ROPN1B: variants seen among roughly 807,000 people sequenced by gnomAD.
ROPN1B encodes rhophilin associated tail protein 1B, also known as ropporin-1B.
In ROPN1B, 13 loss-of-function variants were observed where a neutral mutation model predicts 23.7. The observed-to-expected ratio is 0.55, with a 90% confidence interval of 0.36 to 0.87. The LOEUF is 0.87. Ranked by LOEUF, ROPN1B falls within the 40% of genes least tolerant of loss-of-function variation. The probability of loss-of-function intolerance (pLI) is 0.01; values close to 1 mark genes in which losing one functional copy is unlikely to be tolerated. For synonymous variants in ROPN1B, 67 were observed against 100.4 expected, an observed-to-expected ratio of 0.67 and a Z score of 1.99; for missense variants, 183 against 249.2, an observed-to-expected ratio of 0.73 and a Z score of 1.79.
chr3:125,975,065 A>T (rs1938354395), intron 3 of ROPN1B, among the ~76,000 whole-genome samples: 1 of 152,046 alleles, frequency 6.6e-6, no homozygotes. Flanking sequence ...CTGCCTCCTC[A>T]AACTCCTGGG....
Position 125,975,680 on chromosome 3 carries a change from G to A in ROPN1B, c.234G>A (p.Gln78=). 6.2e-7 allele frequency: 1 copy of A among 1,611,496 alleles called. No individual in the cohort carries two copies. Among genetic ancestry groups the A allele is most frequent in the Non-Finnish European group, 8.5e-7 (1 of 1,178,526 alleles). The part of the protein sequence containing the change: ...TPELLKILHS[Q]VAGRLIIRAE... Reference sequence around the variant, plus strand: ...AGCTGTTAAAGATCCTGCATTCTCAGGTAAGGGCCCTGCTGCAGCATTGAG... The same window carrying A: ...AGCTGTTAAAGATCCTGCATTCTCAAGTAAGGGCCCTGCTGCAGCATTGAG... The change falls in exon 4 of 7, where the codon CAG becomes CAA. Residue 78 remains glutamine (Q), a splice_region_variant and synonymous_variant. Transcript: ENST00000514116.
chr3:125,978,692 C>A (rs558731755), intron 5 of ROPN1B, among the ~76,000 whole-genome samples: 1 of 152,296 alleles, frequency 6.6e-6, no homozygotes, highest in South Asian at 2.1e-4. Context: ...TGGTGAAAGT[C>A]TGAGGATGCC....
chr3:125,982,453 A>C lies in ROPN1B; in HGVS notation c.572+8A>C. The C allele has an allele frequency of 6.3e-7, 1 of 1,583,832 alleles. No individual in the cohort carries two copies. Among genetic ancestry groups the C allele is most frequent in the South Asian group, 1.2e-5 (1 of 84,740 alleles). ...CTACATTGAACAGGAAGTGTAAGTT[A>C]ACTTTTACCAATTGGAGGTGAAAGA... On this transcript the variant is annotated splice_region_variant and intron_variant, in intron 6 of 6. Coordinates refer to ENST00000514116, the MANE Select transcript of ROPN1B (RefSeq NM_001308313.2).
intron 3 of ROPN1B, chr3:125,972,974 C>A (rs1259462769): frequency 3.1e-5 from 12 of 384,642 alleles, no homozygotes; most frequent in Admixed American, 6.4e-5. Context: ...GCACAGAAAG[C>A]CTCTCAGCTA....
intron 5 of ROPN1B, among the ~76,000 whole-genome samples, chr3:125,981,458 C>T (rs1287720610): frequency 1.3e-5 from 2 of 152,120 alleles, no homozygotes; most frequent in African/African-American, 4.8e-5. Context: ...CAGGATGATC[C>T]GTACATCACC....
At chr3:125,983,117 A>G in intron 6 of ROPN1B, 137 bp from the exon 7 acceptor site, 5 of 665,910 alleles carry the variant, frequency 7.5e-6, no homozygotes, top group Non-Finnish European at 5.3e-6. Context: ...ACAGAGCCAG[A>G]CCCTGTCTCA....
At chr3:125,975,826 T>A in intron 4 of ROPN1B, 146 bp downstream of exon 4, 1 of 672,946 alleles carries the variant, frequency 1.5e-6, no homozygotes, top group East Asian at 2.8e-5. Context: ...TGAAAGTAAA[T>A]CTTCCCTTGG....
chr3:125,982,511 A>G (rs947430691), intron 6 of ROPN1B, 66 bp downstream of exon 6: 7 of 1,367,496 alleles, frequency 5.1e-6, no homozygotes, highest in African/African-American at 4.4e-5. Context: ...GGGCCAAGAC[A>G]GAGTGAGATT....
chr3:125,972,254 G>A, intron 3 of ROPN1B, 84 bp downstream of exon 3: 2 of 1,327,412 alleles, frequency 1.5e-6, no homozygotes, highest in Non-Finnish European at 1.1e-6. Context: ...TGTCATGGCT[G>A]CAGCCAGGGG....
intron 5 of ROPN1B, among the ~76,000 whole-genome samples, chr3:125,980,415 C>A (rs1218180726): frequency 6.6e-6 from 1 of 152,158 alleles, no homozygotes; most frequent in African/African-American, 2.4e-5. Flanking sequence ...TTCTGGAGGA[C>A]AGAAGTTCTG....
At chr3:125,970,568 G>C (rs1420042979) in intron 1 of ROPN1B, among the ~76,000 whole-genome samples, 1 of 152,054 alleles carries the variant, frequency 6.6e-6, no homozygotes, top group Non-Finnish European at 1.5e-5. Flanking sequence ...TGTTTTGTTT[G>C]CTTTTTTGTG....
intron 1 of ROPN1B, chr3:125,969,897 T>C (rs547659327): frequency 2.0e-3 from 306 of 149,546 alleles, no homozygotes; most frequent in African/African-American, 7.4e-3. Context: ...TATTATTTTA[T>C]ACCTAGCACT....
intron 5 of ROPN1B, among the ~76,000 whole-genome samples, chr3:125,980,992 A>G (rs542149933): frequency 8.5e-5 from 13 of 152,264 alleles, no homozygotes; most frequent in South Asian, 2.1e-4. Context: ...ACCCCCAGGG[A>G]CAGAGGAGAG....
chr3:125,971,430 T>C (rs1938200221), intron 2 of ROPN1B, among the ~76,000 whole-genome samples: 1 of 152,268 alleles, frequency 6.6e-6, no homozygotes, highest in Non-Finnish European at 1.5e-5. Context: ...TGGATGTTCA[T>C]GTTTTGTTTC....
chr3:125,971,219 T>C (rs1580338499), intron 2 of ROPN1B, 57 bp downstream of exon 2: 1 of 152,534 alleles, frequency 6.6e-6, no homozygotes, highest in South Asian at 2.1e-4. Flanking sequence ...CCTCACCTCA[T>C]TGGCCACTGG....
rs1336228053 is a variant in ROPN1B at position 125,976,807 on chromosome 3, T to G, written c.235-197T>G. On this transcript the variant is annotated intron_variant, in intron 4 of 6. Transcript: ENST00000514116. ...CACCTAAAGTTTGACAATTAATAAA[T>G]TATATTTCAGCATGCTCTTCACTAG... The G allele has an allele frequency of 1.5e-5, 12 of 793,894 alleles. No individual in the cohort carries two copies. In the Admixed American group the frequency reaches 2.4e-4, roughly 16 times the overall value. The allele number at this position is 793,894 out of a possible 1,614,324, so 49.2% of individuals were successfully genotyped here.
intron 1 of ROPN1B, 92 bp from the exon 2 acceptor site, chr3:125,971,025 C>T (rs142295260): frequency 0.018 from 2,825 of 153,720 alleles, 70 homozygotes; most frequent in Admixed American, 0.065. Context: ...AGTCCCTGGG[C>T]GGGTCTCAAG....
At chr3:125,979,269 T>C (rs1938527680) in intron 5 of ROPN1B, among the ~76,000 whole-genome samples, 1 of 152,194 alleles carries the variant, frequency 6.6e-6, no homozygotes, top group Admixed American at 6.5e-5. Context: ...AATACCCTTA[T>C]ATTCATTTCT....
chr3:125,982,985 A>T (rs1938660827), intron 6 of ROPN1B, among the ~76,000 whole-genome samples: 1 of 152,154 alleles, frequency 6.6e-6, no homozygotes, highest in Non-Finnish European at 1.5e-5. Flanking sequence ...CTTTACTAAA[A>T]ATACAAAAAT....
Sources: gnomAD v4.1 joint callset for allele counts (sites outside exome capture counted in the v4.1 genomes callset) on GRCh38, gnomAD v4.1.1 for gene constraint, MANE v1.5 for transcripts, NCBI Gene and HGNC (gene_info 2026-07-23, HGNC 2026-07-21) for gene names.